Variants in SLAMF9 observed in about 807,000 individuals in gnomAD.
The protein encoded by SLAMF9 is CD2 family member 10.
A neutral mutation model predicts 30.4 loss-of-function variants in SLAMF9; 25 were observed. The observed-to-expected ratio is 0.82, with a 90% CI of 0.60 to 1.15. SLAMF9 has a LOEUF of 1.15. Ranked by LOEUF, SLAMF9 falls within the 50% of genes most tolerant of loss-of-function variation. The probability of loss-of-function intolerance (pLI) is 0.00; values close to 1 mark genes in which losing one functional copy is unlikely to be tolerated. For synonymous variants in SLAMF9, 129 were observed against 127.2 expected (o/e 1.01, Z -0.09); for missense variants, 344 against 346.1 (o/e 0.99, Z 0.05).
the SLAMF9 span, among the ~76,000 whole-genome samples, chr1:159,963,912 T>C: frequency 6.6e-6 from 1 of 152,034 alleles, no homozygotes; most frequent in Non-Finnish European, 1.5e-5. Context: ...TACAAAAAAT[T>C]AGCTGGGCAA....
chr1:159,963,391 C>T, the SLAMF9 span, among the ~76,000 whole-genome samples: 1 of 152,216 alleles, frequency 6.6e-6, no homozygotes, highest in African/African-American at 2.4e-5. Flanking sequence ...ACCAATCAGC[C>T]CACAGTCTAA....
chr1:159,975,118 C>A, the SLAMF9 span, among the ~76,000 whole-genome samples: 4 of 152,174 alleles, frequency 2.6e-5, 1 homozygote, highest in South Asian at 4.1e-4. Flanking sequence ...ATCTCTTTAA[C>A]AAAGGTACTG....
upstream of SLAMF9, among the ~76,000 whole-genome samples, chr1:159,956,685 A>C (rs1651928708): frequency 5.3e-5 from 8 of 152,110 alleles, no homozygotes; most frequent in Non-Finnish European, 1.0e-4. Context: ...AAACAAAACA[A>C]AACAACAACA....
chr1:159,955,796 C>G (rs149577448), upstream of SLAMF9, among the ~76,000 whole-genome samples: 12 of 152,196 alleles, frequency 7.9e-5, no homozygotes, highest in Middle Eastern at 3.4e-3. Flanking sequence ...TAAGATGAGA[C>G]CTTAGTTCTT....
At chr1:159,972,646 A>C in the SLAMF9 span, 2 of 166,234 alleles carry the variant, frequency 1.2e-5, no homozygotes, top group Non-Finnish European at 1.3e-5. Context: ...TTCACTGGGA[A>C]CAAGAGGGAA....
At chr1:159,953,857 G>A (rs1047205498) in intron 1 of SLAMF9, among the ~76,000 whole-genome samples, 1 of 152,164 alleles carries the variant, frequency 6.6e-6, no homozygotes, top group Non-Finnish European at 1.5e-5. Flanking sequence ...GCTTCCATCT[G>A]TCCCTTCACC....
Position 159,953,604 on chromosome 1 carries a change from C to T in SLAMF9, c.96G>A (p.Ala32=), listed in dbSNP as rs768573842. 28 of 1,611,440 alleles carry T rather than the reference C, an allele frequency of 1.7e-5. No individual in the cohort carries two copies. Among genetic ancestry groups the T allele is most frequent in the African/African-American group, 1.2e-4 (9 of 74,578 alleles). ...GGAGGCTGATGGACTCCTGAAGGACCGCAACCACTTCCTCGGATCCACACC... is the reference window on the plus strand; with the variant it reads ...GGAGGCTGATGGACTCCTGAAGGACTGCAACCACTTCCTCGGATCCACACC... The part of the protein sequence containing the change: ...WRWCGSEEVV[A]VLQESISLPL... Residue 32 remains alanine (A), a synonymous_variant, in exon 2 of 4, where the codon GCG becomes GCA. Coordinates refer to ENST00000368093, the MANE Select transcript of SLAMF9 (RefSeq NM_033438.4).
upstream of SLAMF9, among the ~76,000 whole-genome samples, chr1:159,954,577 C>G (rs752188180): frequency 2.0e-5 from 3 of 152,168 alleles, no homozygotes; most frequent in Non-Finnish European, 4.4e-5. Context: ...ATCATTTGAT[C>G]TTATAAACAT....
intron 3 of SLAMF9, 113 bp downstream of exon 3, chr1:159,952,148 AG>A: frequency 3.2e-6 from 4 of 1,234,550 alleles, no homozygotes; most frequent in Non-Finnish European, 3.4e-6. Context: ...CCTCCATGGG[AG>A]GGGGTTAGCT....
the SLAMF9 span, chr1:159,983,353 A>C: frequency 6.6e-6 from 1 of 152,170 alleles, no homozygotes; most frequent in Non-Finnish European, 1.5e-5. Context: ...GTGGACCTGG[A>C]CTGGAGTCAC....
the SLAMF9 span, among the ~76,000 whole-genome samples, chr1:159,969,890 A>G: frequency 6.6e-6 from 1 of 152,028 alleles, no homozygotes; most frequent in Non-Finnish European, 1.5e-5. Flanking sequence ...CCAAAATACA[A>G]AATTAGCTAG....
chr1:159,957,138 G>GAAAAAAAAAAAA (rs1401603346), upstream of SLAMF9, among the ~76,000 whole-genome samples: 1 of 13,678 alleles, frequency 7.3e-5, no homozygotes, highest in African/African-American at 1.9e-4. Flanking sequence ...AAAAAAAAAA[G>GAAAAAAAAAAAA]ACAAAAAAAA....
chr1:159,976,967 AAAGAAGGAAAGAAGG>A, the SLAMF9 span: 4 of 45,634 alleles, frequency 8.8e-5, 1 homozygote, highest in African/African-American at 1.8e-4. Context: ...AAAGAGAAAG[AAAGAAGGAAAGAAGG>A]AAAGAAGGAA....
upstream of SLAMF9, among the ~76,000 whole-genome samples, chr1:159,956,586 A>G (rs78212507): frequency 0.012 from 1,789 of 152,308 alleles, 49 homozygotes; most frequent in African/African-American, 0.041. Context: ...AAAGCCACTC[A>G]GCTAGGTAAG....
At chr1:159,977,511 G>T in the SLAMF9 span, among the ~76,000 whole-genome samples, 1 of 152,238 alleles carries the variant, frequency 6.6e-6, no homozygotes, top group African/African-American at 2.4e-5. Flanking sequence ...TCATGTCCCT[G>T]CAGGGTTAGC....
the SLAMF9 span, among the ~76,000 whole-genome samples, chr1:159,977,416 A>G: frequency 6.6e-6 from 1 of 152,178 alleles, no homozygotes; most frequent in Non-Finnish European, 1.5e-5. Context: ...TTCAGGAGAA[A>G]AAGAAGAGTT....
chr1:159,964,543 GA>G, the SLAMF9 span, among the ~76,000 whole-genome samples: 218 of 152,136 alleles, frequency 1.4e-3, no homozygotes, highest in African/African-American at 4.7e-3. Flanking sequence ...CTCGCTAAAA[GA>G]AAAAAGTTTA....
Position 159,951,858 on chromosome 1 carries a change from A to G in SLAMF9, c.673T>C (p.Tyr225His), listed in dbSNP as rs1230667079. 1 of 1,614,100 alleles carries G rather than the reference A, an allele frequency of 6.2e-7. No homozygotes were observed. Among genetic ancestry groups the G allele is most frequent in the Non-Finnish European group, 8.5e-7 (1 of 1,179,988 alleles). The change falls in exon 4 of 4, where the codon TAT (tyrosine) becomes CAT (histidine). Residue 225 changes from tyrosine (Y) to histidine (H), a missense_variant. Tyr to His is a moderately conservative substitution (Grantham distance 83). Coordinates refer to ENST00000368093, the MANE Select transcript of SLAMF9 (RefSeq NM_033438.4). ...GCTGTTGAAGGCTTCTCAGAAGCAT[A>G]GTTAGGATCTGGGGTGGAAGAAAGG... The part of the protein sequence containing the change: ...PDGPFYADPN[Y>H]ASEKPSTAFC...
At chr1:159,975,649 C>T in the SLAMF9 span, among the ~76,000 whole-genome samples, 1 of 151,828 alleles carries the variant, frequency 6.6e-6, no homozygotes, top group African/African-American at 2.4e-5. Context: ...ATGATCAGAA[C>T]AGGGTGAGAA....
Sources: allele counts gnomAD v4.1 joint callset (sites outside exome capture counted in the v4.1 genomes callset), GRCh38; gene constraint gnomAD v4.1.1; transcripts MANE v1.5; gene names NCBI Gene and HGNC (gene_info 2026-07-23, HGNC 2026-07-21).